The following CBR4 variants were observed in gnomAD, a reference collection of about 807,000 sequenced individuals.
CBR4 encodes carbonyl reductase 4, also known as 3-oxoacyl-[acyl-carrier-protein] reductase.
In CBR4, 22 loss-of-function variants were observed where a neutral mutation model predicts 21.0. The ratio of observed to expected loss-of-function variants is 1.05; its 90% CI spans 0.75 to 1.50. The LOEUF (loss-of-function observed/expected upper bound fraction) is 1.50, where lower values mean the gene tolerates loss of function less well. Ranked by LOEUF, CBR4 falls within the 40% of genes most tolerant of loss-of-function variation. The probability of loss-of-function intolerance (pLI) is 0.00; values close to 1 mark genes in which losing one functional copy is unlikely to be tolerated. For synonymous variants in CBR4, 100 were observed against 104.4 expected (o/e 0.96, Z 0.26); for missense variants, 302 against 286.3 (o/e 1.05, Z -0.40).
At chr4:168,991,248 A>T (rs1325991528) in intron 4 of CBR4, among the ~76,000 whole-genome samples, 1 of 152,218 alleles carries the variant, frequency 6.6e-6, no homozygotes, top group African/African-American at 2.4e-5. Context: ...TGGGGAACCT[A>T]TGATTTGTGG....
intron 2 of CBR4, among the ~76,000 whole-genome samples, chr4:168,945,489 C>T (rs1377727554): frequency 6.6e-6 from 1 of 152,110 alleles, no homozygotes; most frequent in African/African-American, 2.4e-5. Flanking sequence ...CTTCAGGGGG[C>T]CTTAGGAACT....
chr4:169,002,486 A>G (rs1207044647), intron 3 of CBR4, among the ~76,000 whole-genome samples: 1 of 152,204 alleles, frequency 6.6e-6, no homozygotes, highest in Non-Finnish European at 1.5e-5. Context: ...AAGGGGATGC[A>G]CTCTAATCTC....
rs569936680 is a variant in CBR4, at chr4:168,951,091, G to A, written n.169+50980C>T. 2.9e-4 allele frequency among the ~76,000 whole-genome samples: 44 copies of A among 151,780 alleles called. No homozygotes were observed. The South Asian group carries it at 8.1e-3, about 28-fold the overall frequency. On this transcript the variant is annotated intron_variant and non_coding_transcript_variant, in intron 2 of 3. Coordinates refer to the CBR4 transcript ENST00000509108. Reference sequence around the variant, plus strand: ...CTTCTTTTTTTTGAGATGGAGTTTCGCTCTGTCACCAGGCTGGAGTGCAGT... The same window carrying A: ...CTTCTTTTTTTTGAGATGGAGTTTCACTCTGTCACCAGGCTGGAGTGCAGT...
chr4:169,005,600 A>C (rs1730845559), intron 3 of CBR4, among the ~76,000 whole-genome samples: 2 of 152,192 alleles, frequency 1.3e-5, no homozygotes, highest in Non-Finnish European at 2.9e-5. Context: ...AGTTAAACAA[A>C]TATACCTCAG....
Position 168,990,224 on chromosome 4 carries a change from C to A in CBR4, c.640G>T (p.Val214Leu), listed in dbSNP as rs1375277023. The change falls in exon 5 of 5, where the codon GTG becomes TTG. Residue 214 changes from valine (V) to leucine (L), a missense_variant. Transcript: ENST00000306193. ...GETIEVAHAVVFLLESPYITG... is the reference protein window; with the variant it reads ...GETIEVAHAVLFLLESPYITG... ...ATATACGGTGATTCTAAAAGAAACACAACCGCATGTGCCACCTCAATAGTT... is the reference window on the plus strand; with the variant it reads ...ATATACGGTGATTCTAAAAGAAACAAAACCGCATGTGCCACCTCAATAGTT... 1 of 1,613,734 alleles carries A rather than the reference C, an allele frequency of 6.2e-7. No homozygotes were observed.
chr4:168,925,347 T>C, intron 2 of CBR4: 1 of 1,194,906 alleles, frequency 8.4e-7, no homozygotes, highest in Admixed American at 1.7e-5. Flanking sequence ...GGCTAGTTAG[T>C]TGTGGCTTCC....
At chr4:168,991,437 T>G (rs1764918582) in intron 4 of CBR4, among the ~76,000 whole-genome samples, 1 of 152,192 alleles carries the variant, frequency 6.6e-6, no homozygotes, top group South Asian at 2.1e-4. Flanking sequence ...ACTGATTTGG[T>G]AGCTGATGAT....
intron 2 of CBR4, among the ~76,000 whole-genome samples, chr4:168,981,891 C>T (rs1254245407): frequency 1.3e-5 from 2 of 152,150 alleles, no homozygotes; most frequent in Admixed American, 1.3e-4. Flanking sequence ...CCAGGTCTGC[C>T]TTACAAGAGG....
rs1164751821 is a variant in CBR4, at chr4:169,010,153, G to T, written c.-64C>A. Reference sequence around the variant, plus strand: ...GGGAGCCCCTCTCCAGGTTCCCTCAGGCTTTTAAACAACCGCGGTTCCAAA... The same window carrying T: ...GGGAGCCCCTCTCCAGGTTCCCTCATGCTTTTAAACAACCGCGGTTCCAAA... On this transcript the variant is annotated 5_prime_UTR_variant, in exon 1 of 5. In the 5' UTR this introduces an upstream ATG that the reference lacks. Transcript: ENST00000306193. 3 of 1,352,648 alleles carry T rather than the reference G, an allele frequency of 2.2e-6. No individual in the cohort carries two copies. The highest frequency in any genetic ancestry group is 2.9e-6 in the Non-Finnish European group (3 of 1,025,918). 83.8% of individuals were successfully genotyped at this position (1,352,648 alleles called of 1,614,324 possible).
At chr4:168,978,028 T>C (rs1205671014) in intron 2 of CBR4, among the ~76,000 whole-genome samples, 2 of 152,208 alleles carry the variant, frequency 1.3e-5, no homozygotes, top group African/African-American at 2.4e-5. Context: ...TAATACATCA[T>C]GTATCCTCCT....
rs1202242941 is a variant in CBR4, at chr4:168,924,335, G to A, written n.170-29570C>T. 6.2e-7 allele frequency: 1 copy of A among 1,613,944 alleles called. No homozygotes were observed. The highest frequency in any genetic ancestry group is 8.5e-7 in the Non-Finnish European group (1 of 1,179,882). On this transcript the variant is annotated intron_variant and non_coding_transcript_variant, in intron 2 of 3. Coordinates refer to the CBR4 transcript ENST00000509108. The stretch of plus-strand genomic sequence containing the variant: ...TGCTGATGGGTACCCAGTGCGGCTG[G>A]AATGTCGTGTATTGGGAGTGCCACC...
intron 2 of CBR4, chr4:168,898,289 G>A (rs904572129): frequency 3.3e-6 from 2 of 597,578 alleles, no homozygotes; most frequent in African/African-American, 3.7e-5. Flanking sequence ...TGGATGATAG[G>A]ACTTGAAGAC....
Position 168,971,116 on chromosome 4 carries a change from A to G in CBR4, n.169+30955T>C, listed in dbSNP as rs548792799. ...AGTGTAAAACTGTTTCCTTTTCACCATATCTATGCCAACATCTATTATTTT... is the reference window on the plus strand; with the variant it reads ...AGTGTAAAACTGTTTCCTTTTCACCGTATCTATGCCAACATCTATTATTTT... On this transcript the variant is annotated intron_variant and non_coding_transcript_variant, in intron 2 of 3. Coordinates refer to the CBR4 transcript ENST00000509108. 5.3e-5 allele frequency among the ~76,000 whole-genome samples: 8 copies of G among 152,208 alleles called. No homozygotes were observed. In the Middle Eastern group the frequency reaches 0.014, roughly 259 times the overall value.
chr4:168,968,752 A>G (rs1378636387), intron 2 of CBR4, among the ~76,000 whole-genome samples: 1 of 152,242 alleles, frequency 6.6e-6, no homozygotes, highest in East Asian at 1.9e-4. Flanking sequence ...TAAGTCACTG[A>G]GACTGACATT....
chr4:168,903,792 A>G lies in CBR4; in HGVS notation n.170-9027T>C, dbSNP rs1757051158. ...TTAAAGATGGGAAGCAGATCTCTCC[A>G]AAGAGTGATCACTACACCATTCAAA... On this transcript the variant is annotated intron_variant and non_coding_transcript_variant, in intron 2 of 3. Coordinates refer to the CBR4 transcript ENST00000509108. 4 of 1,611,172 alleles carry G rather than the reference A, an allele frequency of 2.5e-6. No homozygotes were observed. The African/African-American group carries it at 4.0e-5, about 16-fold the overall frequency.
chr4:168,895,775 G>A (rs1199543929), intron 2 of CBR4, among the ~76,000 whole-genome samples: 1 of 152,162 alleles, frequency 6.6e-6, no homozygotes, highest in Admixed American at 6.5e-5. Context: ...AAGATCAACT[G>A]TTTAGTCTTA....
intron 2 of CBR4, among the ~76,000 whole-genome samples, chr4:168,954,225 G>C (rs901803897): frequency 6.6e-6 from 1 of 152,078 alleles, no homozygotes; most frequent in Non-Finnish European, 1.5e-5. Flanking sequence ...AACTTCTTAA[G>C]CACAACACTG....
At chr4:168,969,388 T>A (rs1764137409) in intron 2 of CBR4, among the ~76,000 whole-genome samples, 1 of 152,170 alleles carries the variant, frequency 6.6e-6, no homozygotes, top group Non-Finnish European at 1.5e-5. Flanking sequence ...TTGGATCCTG[T>A]GAATTTTACG....
intron 2 of CBR4, chr4:168,915,852 A>G: frequency 3.9e-6 from 6 of 1,526,430 alleles, no homozygotes; most frequent in Non-Finnish European, 3.6e-6. Flanking sequence ...GGAAGTAACT[A>G]CTATCTATAT....
Sources: gnomAD v4.1 joint callset for allele counts (sites outside exome capture counted in the v4.1 genomes callset) on GRCh38, gnomAD v4.1.1 for gene constraint, MANE v1.5 for transcripts, NCBI Gene and HGNC (gene_info 2026-07-23, HGNC 2026-07-21) for gene names.